MX2: variants seen among roughly 807,000 people sequenced by gnomAD.
MX2 encodes the protein interferon-induced GTP-binding protein Mx2.
In MX2, 51 loss-of-function variants were observed where a neutral mutation model predicts 74.0. The observed-to-expected ratio is 0.69, with a 90% CI of 0.55 to 0.87. The LOEUF is 0.87. Among genes scored for constraint, MX2 ranks in the 40% least tolerant of loss-of-function variants. The pLI, the probability that MX2 is intolerant of heterozygous loss-of-function variation, is 0.00. For missense variants in MX2, 832 were observed against 908.7 expected (o/e 0.92, Z 1.09); for synonymous variants, 369 against 339.3 (o/e 1.09, Z -0.96).
In MX2 at chr21:41,379,997, T is replaced by C. The variant is rs781714609; in HGVS notation, c.443-20T>C. On this transcript the variant is annotated intron_variant, in intron 3 of 13. Transcript: ENST00000330714. The stretch of plus-strand genomic sequence containing the variant: ...TTCTTTAAAAGGAAACTGAGGATAT[T>C]TGGGGAACCTCTCGCTCAGGAATCG... The C allele has an allele frequency of 3.1e-6, 5 of 1,612,992 alleles. No homozygotes were observed. The highest frequency in any genetic ancestry group is 1.7e-5 in the Admixed American group (1 of 59,886).
intron 6 of MX2, 78 bp from the exon 7 acceptor site, chr21:41,395,509 G>T (rs2089722304): frequency 1.5e-6 from 2 of 1,375,590 alleles, no homozygotes. Context: ...CAAAAAAGGA[G>T]CCCATAGTCC....
At chr21:41,404,899 A>G (rs978904708) in intron 12 of MX2, 1 of 145,598 alleles carries the variant, frequency 6.9e-6, no homozygotes, top group African/African-American at 2.7e-5. Context: ...AAAGAAAAAG[A>G]AAAAAAAAAG....
chr21:41,367,368 T>C (rs1415093113), intron 1 of MX2: 2 of 152,162 alleles, frequency 1.3e-5, no homozygotes, highest in African/African-American at 4.8e-5. Flanking sequence ...CATTTTCTTT[T>C]GACACTCCTG....
chr21:41,399,247 G>A lies in MX2; in HGVS notation c.1324G>A (p.Val442Ile), dbSNP rs1436586376. The A allele has an allele frequency of 3.7e-6, 6 of 1,613,852 alleles. No homozygotes were observed. The highest frequency in any genetic ancestry group is 5.1e-6 in the Non-Finnish European group (6 of 1,179,844). The change falls in exon 10 of 14, where the codon GTT becomes ATT. Residue 442 changes from valine (V) to isoleucine (I), a missense_variant. By Grantham distance (29) the Val-to-Ile change is conservative. Transcript: ENST00000330714. Reference protein sequence around the residue: ...DIEKLVEGEEVVRENETRLYN... With the variant: ...DIEKLVEGEEIVRENETRLYN... Reference sequence around the variant, plus strand: ...CGAAAAGTTAGTAGAAGGAGAAGAAGTTGTAAGGGAGAATGAGACCCGTTT... The same window carrying A: ...CGAAAAGTTAGTAGAAGGAGAAGAAATTGTAAGGGAGAATGAGACCCGTTT...
At chr21:41,376,596 C>G (rs1402740545) in intron 1 of MX2, among the ~76,000 whole-genome samples, 4 of 152,068 alleles carry the variant, frequency 2.6e-5, no homozygotes, top group Non-Finnish European at 4.4e-5. Context: ...TGAGACTCTA[C>G]TGGGAATGTG....
intron 2 of MX2, among the ~76,000 whole-genome samples, chr21:41,377,574 T>A (rs1470462041): frequency 1.3e-5 from 2 of 152,152 alleles, no homozygotes; most frequent in Admixed American, 1.3e-4. Context: ...CCTGCACACC[T>A]GCAGCCAAAT....
intron 7 of MX2, among the ~76,000 whole-genome samples, chr21:41,396,580 A>G (rs1328494948): frequency 6.6e-6 from 1 of 152,134 alleles, no homozygotes; most frequent in Non-Finnish European, 1.5e-5. Context: ...CATCTTCTCC[A>G]GGGGATCCTA....
At chr21:41,394,082 TCTC>T (rs1301092915) in intron 6 of MX2, among the ~76,000 whole-genome samples, 1 of 152,118 alleles carries the variant, frequency 6.6e-6, no homozygotes, top group Non-Finnish European at 1.5e-5. Context: ...GCTCAAACAT[TCTC>T]CTGCTGTTCG....
chr21:41,391,677 C>A (rs1226131855), intron 6 of MX2, among the ~76,000 whole-genome samples: 1 of 152,164 alleles, frequency 6.6e-6, no homozygotes, highest in Non-Finnish European at 1.5e-5. Context: ...CCACAGCTCC[C>A]AGCCAGCTAT....
chr21:41,389,808 G>T (rs947747469), intron 5 of MX2: 2 of 152,130 alleles, frequency 1.3e-5, no homozygotes, highest in African/African-American at 4.8e-5. Context: ...TATGTAAATT[G>T]TGCCAAAATA....
chr21:41,389,127 G>A (rs558883630), intron 5 of MX2, among the ~76,000 whole-genome samples: 6 of 151,800 alleles, frequency 4.0e-5, no homozygotes, highest in South Asian at 2.1e-4. Flanking sequence ...ACTAAAGGAC[G>A]ATCAACGTTA....
In MX2 at chr21:41,406,898, C is replaced by A. The variant is rs200507645; in HGVS notation, c.1805C>A (p.Thr602Lys). Residue 602 changes from threonine to lysine, a missense_variant, in exon 13 of 14, where the codon ACG (threonine) becomes AAG (lysine). Coordinates refer to ENST00000330714, the MANE Select transcript of MX2 (RefSeq NM_002463.2). ...GAAGAGATTTTTAACCCTCTGGGGA[C>A]GCCTTCACAGAATATGAAGTTGAAC... is the stretch of plus-strand genomic sequence containing the variant. ...VREEIFNPLG[T>K]PSQNMKLNSH... The A allele has an allele frequency of 1.2e-6, 2 of 1,614,138 alleles. No homozygotes were observed. The highest frequency in any genetic ancestry group is 2.2e-5 in the South Asian group (2 of 91,072).
chr21:41,368,113 G>A lies in MX2; in HGVS notation c.-72+6058G>A, dbSNP rs1009874561. 2.0e-5 allele frequency among the ~76,000 whole-genome samples: 3 copies of A among 152,176 alleles called. No individual in the cohort carries two copies. The highest frequency in any genetic ancestry group is 6.5e-5 in the Admixed American group (1 of 15,284). ...GCTCCCACGTGGGGACCAAGCCCTG[G>A]AGAGGAACCCACAGTGCAGCGGCTC... On this transcript the variant is annotated intron_variant, in intron 1 of 13. Transcript: ENST00000330714. The surrounding 1 kb of genome is among the most constrained non-coding windows in gnomAD (Gnocchi z 4.6).
At chr21:41,381,705 AAAG>A in intron 4 of MX2, among the ~76,000 whole-genome samples, 1 of 151,680 alleles carries the variant, frequency 6.6e-6, no homozygotes, top group Non-Finnish European at 1.5e-5. Context: ...AAAAAAAAAA[AAAG>A]AATGAATAGC....
chr21:41,395,638 T>C lies in MX2; in HGVS notation c.923T>C (p.Met308Thr), dbSNP rs1251796133. The part of the protein sequence containing the change: ...LMDRGTEKSV[M>T]NVVRNLTYPL... ...GACAGGGGCACTGAGAAAAGCGTCA[T>C]GAATGTGGTGCGGAACCTCACGTAC... Residue 308 changes from methionine (M) to threonine (T), a missense_variant, in exon 7 of 14, where the codon ATG (methionine) becomes ACG (threonine). Coordinates refer to ENST00000330714, the MANE Select transcript of MX2 (RefSeq NM_002463.2). The C allele has an allele frequency of 6.2e-7, 1 of 1,614,144 alleles. No individual in the cohort carries two copies. Among genetic ancestry groups the C allele is most frequent in the Non-Finnish European group, 8.5e-7 (1 of 1,180,034 alleles).
At chr21:41,403,828 C>T (rs2089849233) in intron 12 of MX2, 2 of 361,044 alleles carry the variant, frequency 5.5e-6, no homozygotes, top group South Asian at 4.1e-5. Flanking sequence ...TCCTCTTCTG[C>T]CCAGGCCTGG....
intron 3 of MX2, among the ~76,000 whole-genome samples, chr21:41,378,423 G>A (rs1051395685): frequency 1.4e-4 from 21 of 152,334 alleles, no homozygotes; most frequent in African/African-American, 4.6e-4. Flanking sequence ...TTCACTGCCC[G>A]TGTGTCAGTC....
At chr21:41,385,133 T>C (rs2089553230) in intron 5 of MX2, among the ~76,000 whole-genome samples, 2 of 152,236 alleles carry the variant, frequency 1.3e-5, no homozygotes, top group Non-Finnish European at 2.9e-5. Flanking sequence ...CTTTCAAGAA[T>C]TTTTCCTTTG....
At chr21:41,393,648 T>G (rs2089694176) in intron 6 of MX2, among the ~76,000 whole-genome samples, 1 of 152,202 alleles carries the variant, frequency 6.6e-6, no homozygotes, top group Non-Finnish European at 1.5e-5. Flanking sequence ...TGGGCTCTCC[T>G]TCTATCAACG....
Sources: gnomAD v4.1 joint callset for allele counts (sites outside exome capture counted in the v4.1 genomes callset) on GRCh38, gnomAD v4.1.1 for gene constraint, Gnocchi (gnomAD v3.1) non-coding constraint, MANE v1.5 for transcripts, NCBI Gene and HGNC (gene_info 2026-07-23, HGNC 2026-07-21) for gene names.